The following RDX variants were observed in gnomAD, a reference collection of about 807,000 sequenced individuals.
RDX encodes deafness, autosomal recessive 24.
Under a neutral mutation model 83.7 loss-of-function variants are expected in RDX, and 32 were observed. The ratio of observed to expected loss-of-function variants is 0.38; its 90% CI spans 0.29 to 0.51. The LOEUF is 0.51. RDX is among the 20% of genes least tolerant of loss of function. RDX has a pLI of 0.87. For synonymous variants in RDX, 229 were observed against 222.7 expected, an observed-to-expected ratio of 1.03 and a Z score of -0.25; for missense variants, 600 against 689.9, an observed-to-expected ratio of 0.87 and a Z score of 1.46.
At chr11:110,211,382 A>G (rs1203909287) in intron 14 of RDX, among the ~76,000 whole-genome samples, 1 of 151,470 alleles carries the variant, frequency 6.6e-6, no homozygotes, top group Non-Finnish European at 1.5e-5. Flanking sequence ...CACATTAATA[A>G]TGGGAGACTT....
chr11:110,279,907 T>A (rs1174704166), intron 1 of RDX, among the ~76,000 whole-genome samples, 151 bp from the exon 2 acceptor site: 3 of 152,230 alleles, frequency 2.0e-5, no homozygotes, highest in African/African-American at 7.2e-5. Flanking sequence ...TATCTTCTAC[T>A]AGCATTGCAC....
chr11:110,237,484 T>A lies in RDX; in HGVS notation c.1251+8A>T, dbSNP rs1354689249. The A allele has an allele frequency of 1.9e-6, 3 of 1,612,038 alleles. No homozygotes were observed. The highest frequency in any genetic ancestry group is 2.5e-6 in the Non-Finnish European group (3 of 1,179,886). ...TAAACTTTTTTCTCTAAGAAGACAG[T>A]TCCTTACTAGCTGCTCCTGATTCTT... is the stretch of plus-strand genomic sequence containing the variant. On this transcript the variant is annotated splice_region_variant and intron_variant, in intron 11 of 13. Coordinates refer to ENST00000645495, the MANE Select transcript of RDX (RefSeq NM_002906.4).
chr11:110,270,456 G>A (rs1235083243), intron 3 of RDX, among the ~76,000 whole-genome samples: 1 of 152,006 alleles, frequency 6.6e-6, no homozygotes, highest in Non-Finnish European at 1.5e-5. Context: ...GTCACTGATC[G>A]AAATGTCATT....
At chr11:110,225,504 G>A (rs1864402288), downstream of RDX, among the ~76,000 whole-genome samples, 1 of 152,082 alleles carries the variant, frequency 6.6e-6, no homozygotes, top group Non-Finnish European at 1.5e-5. Context: ...CATGAAAAAA[G>A]TCTAACTTCT....
intron 9 of RDX, among the ~76,000 whole-genome samples, chr11:110,248,690 T>C (rs2134342589): frequency 6.6e-6 from 1 of 152,280 alleles, no homozygotes; most frequent in East Asian, 1.9e-4. Flanking sequence ...ACCACACAGT[T>C]GCCATGCCCC....
At chr11:110,275,240 A>T (rs1860465176) in intron 2 of RDX, among the ~76,000 whole-genome samples, 1 of 152,216 alleles carries the variant, frequency 6.6e-6, no homozygotes, top group South Asian at 2.1e-4. Flanking sequence ...GTTGCATTAC[A>T]TGATTAAAGG....
intron 1 of RDX, among the ~76,000 whole-genome samples, chr11:110,284,131 G>C (rs1860880079): frequency 6.6e-6 from 1 of 152,186 alleles, no homozygotes; most frequent in Admixed American, 6.5e-5. Context: ...TAAACAAGTA[G>C]GTAAGTATTG....
intron 3 of RDX, among the ~76,000 whole-genome samples, chr11:110,267,504 C>A (rs1860095553): frequency 6.9e-6 from 1 of 145,954 alleles, no homozygotes; most frequent in South Asian, 2.2e-4. Context: ...CAGAGCGAGA[C>A]TCCGTCTCAA....
At chr11:110,273,449 C>G (rs1168284351) in intron 2 of RDX, among the ~76,000 whole-genome samples, 1 of 152,208 alleles carries the variant, frequency 6.6e-6, no homozygotes, top group African/African-American at 2.4e-5. Context: ...TGTGCTCAGG[C>G]TGGAGAGCAC....
chr11:110,271,800 C>T (rs994797516), intron 3 of RDX, among the ~76,000 whole-genome samples: 1 of 152,046 alleles, frequency 6.6e-6, no homozygotes, highest in Non-Finnish European at 1.5e-5. Flanking sequence ...CCTATGACAC[C>T]AAATTGTTGT....
intron 10 of RDX, among the ~76,000 whole-genome samples, chr11:110,239,075 T>C (rs1174759493): frequency 6.6e-6 from 1 of 152,058 alleles, no homozygotes; most frequent in East Asian, 1.9e-4. Flanking sequence ...GGCCAGGAGT[T>C]TGAGACCAGT....
chr11:110,244,872 C>CTTA (rs2134333022), intron 10 of RDX, among the ~76,000 whole-genome samples: 1 of 151,956 alleles, frequency 6.6e-6, no homozygotes, highest in East Asian at 1.9e-4. Context: ...TTTTGTCTAT[C>CTTA]ATGTTCAGGG....
At chr11:110,281,156 C>A (rs1230012638) in intron 1 of RDX, among the ~76,000 whole-genome samples, 1 of 152,056 alleles carries the variant, frequency 6.6e-6, no homozygotes, top group Non-Finnish European at 1.5e-5. Flanking sequence ...CAGAGCAACA[C>A]TGTGTTTCTA....
chr11:110,186,750 C>T (rs144738195), intron 15 of RDX, among the ~76,000 whole-genome samples: 52 of 152,294 alleles, frequency 3.4e-4, no homozygotes, highest in African/African-American at 1.1e-3. Context: ...CTGGAGCGGA[C>T]TTATGAAGCA....
At chr11:110,227,644 A>G (rs994843429), downstream of RDX, among the ~76,000 whole-genome samples, 4 of 152,168 alleles carry the variant, frequency 2.6e-5, no homozygotes, top group Non-Finnish European at 5.9e-5. Context: ...AGATAAGTTA[A>G]TATTTGAAGT....
At chr11:110,261,537 TTAGA>T (rs1332838954) in intron 5 of RDX, among the ~76,000 whole-genome samples, 54 of 152,310 alleles carry the variant, frequency 3.5e-4, no homozygotes, top group African/African-American at 2.4e-5. Flanking sequence ...CAGACTGTAC[TTAGA>T]TACTGAGAAA....
chr11:110,227,488 T>C (rs1411940065), downstream of RDX, among the ~76,000 whole-genome samples: 2 of 151,966 alleles, frequency 1.3e-5, no homozygotes, highest in African/African-American at 4.8e-5. Context: ...AATAGGGTGG[T>C]AAAAATAAGT....
At chr11:110,219,495 C>T (rs879481098) in intron 14 of RDX, among the ~76,000 whole-genome samples, 1 of 152,136 alleles carries the variant, frequency 6.6e-6, no homozygotes, top group Admixed American at 6.5e-5. Flanking sequence ...ATCAAGAAAA[C>T]AGAATGGAAG....
chr11:110,237,679 C>T, intron 10 of RDX, 27 bp from the exon 11 acceptor site: 1 of 1,609,838 alleles, frequency 6.2e-7, no homozygotes, highest in South Asian at 1.1e-5. Context: ...TTCCCCCCAA[C>T]AGTGATTAAT....
Sources: allele counts gnomAD v4.1 joint callset (sites outside exome capture counted in the v4.1 genomes callset), GRCh38; gene constraint gnomAD v4.1.1; transcripts MANE v1.5; gene names NCBI Gene and HGNC (gene_info 2026-07-23, HGNC 2026-07-21).